ECH1: variants seen among roughly 807,000 people sequenced by gnomAD.
ECH1 encodes the protein delta(3,5)-Delta(2,4)-dienoyl-CoA isomerase, mitochondrial.
Under a neutral mutation model 37.0 loss-of-function variants are expected in ECH1, and 30 were observed. The ratio of observed to expected loss-of-function variants is 0.81; its 90% CI spans 0.61 to 1.10. The LOEUF is 1.10. ECH1 is among the 50% of genes least tolerant of loss of function. ECH1 has a pLI of 0.00. For synonymous variants in ECH1, 178 were observed against 176.0 expected (o/e 1.01, Z -0.09); for missense variants, 456 against 441.6 (o/e 1.03, Z -0.29).
At chr19:38,827,003 G>C (rs1309568548) in intron 3 of ECH1, among the ~76,000 whole-genome samples, 1 of 151,192 alleles carries the variant, frequency 6.6e-6, no homozygotes, top group Non-Finnish European at 1.5e-5. Flanking sequence ...AGAGGGACCA[G>C]GGCCCTCAGC....
chr19:38,824,902 T>G (rs1971716533), intron 3 of ECH1, among the ~76,000 whole-genome samples: 1 of 152,134 alleles, frequency 6.6e-6, no homozygotes, highest in Non-Finnish European at 1.5e-5. Context: ...TATGTCCCCT[T>G]CAAGCTGTAG....
chr19:38,816,046 G>A (rs758054951), intron 8 of ECH1, 39 bp from the exon 9 acceptor site: 2 of 1,609,494 alleles, frequency 1.2e-6, no homozygotes, highest in South Asian at 1.1e-5. Context: ...GGGCTGGGAA[G>A]GGCTCTCTCC....
chr19:38,830,397 C>G (rs1309911396), intron 3 of ECH1, among the ~76,000 whole-genome samples: 1 of 152,138 alleles, frequency 6.6e-6, no homozygotes, highest in African/African-American at 2.4e-5. Context: ...GCCACAGATC[C>G]AGGATGGAAA....
At position 38,816,525 on chromosome 19, in the gene ECH1, TG is replaced by T. The variant is rs1210597954; in HGVS notation, c.589-3del. 1 of 1,614,102 alleles carries T rather than the reference TG, an allele frequency of 6.2e-7. No homozygotes were observed. The highest frequency in any genetic ancestry group is 1.7e-5 in the Admixed American group (1 of 60,004). On this transcript the variant is annotated splice_region_variant and splice_polypyrimidine_tract_variant and intron_variant, in intron 6 of 9. Transcript: ENST00000221418. ...GGCAGCCAAACCCACGTCCACCTCCTGGGGGAGGAATCGGGTCAGTGTTTGG... is the reference window on the plus strand; with the variant it reads ...GGCAGCCAAACCCACGTCCACCTCCTGGGGAGGAATCGGGTCAGTGTTTGG...
intron 3 of ECH1, among the ~76,000 whole-genome samples, chr19:38,818,575 G>A (rs1444933385): frequency 3.3e-5 from 5 of 151,824 alleles, no homozygotes; most frequent in African/African-American, 7.3e-5. Context: ...TGCAACCTCC[G>A]CCTCCCGGTT....
intron 3 of ECH1, among the ~76,000 whole-genome samples, chr19:38,828,746 G>C (rs1971773630): frequency 6.6e-6 from 1 of 151,994 alleles, no homozygotes; most frequent in Admixed American, 6.6e-5. Flanking sequence ...CTCCCGAGTA[G>C]CTGGGACTAA....
At chr19:38,815,741 G>A (rs759998789) in intron 9 of ECH1, 24 bp from the exon 10 acceptor site, 4 of 1,614,056 alleles carry the variant, frequency 2.5e-6, no homozygotes, top group Non-Finnish European at 3.4e-6. Flanking sequence ...TGTTGAGAGA[G>A]AACGAGGAGA....
In ECH1 at chr19:38,825,494, C is replaced by A. The variant is rs188059220; in HGVS notation, c.349+5584G>T. On this transcript the variant is annotated intron_variant, in intron 3 of 9. Transcript: ENST00000221418. ...AAAGATAAGTTTATTATCCAATCAG[C>A]CGCAGATATCAGGAGAAAGCTCCAA... 2.5e-3 allele frequency among the ~76,000 whole-genome samples: 385 copies of A among 152,302 alleles called. 5 individuals are homozygous for A. The highest frequency in any genetic ancestry group is 8.9e-3 in the African/African-American group (370 of 41,568).
At chr19:38,818,383 G>T in intron 3 of ECH1, 3 of 985,378 alleles carry the variant, frequency 3.0e-6, no homozygotes, top group Middle Eastern at 5.2e-4. Context: ...TTCTCCATGA[G>T]CCCACCCTGC....
At chr19:38,818,899 C>CTGTGTG (rs1363448211) in intron 3 of ECH1, among the ~76,000 whole-genome samples, 7 of 90,372 alleles carry the variant, frequency 7.7e-5, no homozygotes, top group South Asian at 3.8e-4. Context: ...TGGCCTCCAA[C>CTGTGTG]TCTGTGTGTG....
chr19:38,815,791 C>A lies in ECH1; in HGVS notation c.882+66G>T, dbSNP rs530927065. The A allele has an allele frequency of 1.9e-5, 30 of 1,613,100 alleles. No homozygotes were observed. In the African/African-American group the frequency reaches 3.7e-4, roughly 20 times the overall value. On this transcript the variant is annotated intron_variant, in intron 9 of 9. Coordinates refer to ENST00000221418, the MANE Select transcript of ECH1 (RefSeq NM_001398.3). ...CCAATCAGGATAAAGCATGAGAGCA[C>A]CCTGCACCCTGGTTGGTCGCCTGGG...
Position 38,815,534 on chromosome 19 carries a change from G to T in ECH1, c.*79C>A. On this transcript the variant is annotated 3_prime_UTR_variant, in exon 10 of 10. Transcript: ENST00000221418. ...TGGGTCAGAAGGCATAGAAACAACT[G>T]TCATCGCCCATCCTCCCTTTCTGTG... is the stretch of plus-strand genomic sequence containing the variant. The T allele has an allele frequency of 7.2e-7, 1 of 1,392,900 alleles. No individual in the cohort carries two copies. Among genetic ancestry groups the T allele is most frequent in the Non-Finnish European group, 1.0e-6 (1 of 985,108 alleles). The allele number at this position is 1,392,900 out of a possible 1,614,324, so 86.3% of individuals were successfully genotyped here. A position where few individuals can be genotyped will look rare whatever the true frequency, so the allele number is the denominator to read the frequency against.
At chr19:38,816,899 C>G in intron 6 of ECH1, 166 bp downstream of exon 6, 2 of 798,720 alleles carry the variant, frequency 2.5e-6, no homozygotes, top group Non-Finnish European at 4.0e-6. Flanking sequence ...AACCCCACCT[C>G]ATACCTTACC....
At chr19:38,829,392 C>T (rs112954655) in intron 3 of ECH1, among the ~76,000 whole-genome samples, 10,665 of 151,524 alleles carry the variant, frequency 0.07, 1,086 homozygotes, top group African/African-American at 0.23. Flanking sequence ...ACCCAGGAGG[C>T]AGATGTTGCA....
At chr19:38,816,225 C>A in intron 8 of ECH1, 59 bp downstream of exon 8, 1 of 1,594,144 alleles carries the variant, frequency 6.3e-7, no homozygotes, top group Non-Finnish European at 8.5e-7. Flanking sequence ...CCCGGAGAGG[C>A]CTCCAACCCT....
chr19:38,831,758 T>G lies in ECH1; in HGVS notation c.15A>C (p.Ile5=), dbSNP rs761610089. The change falls in exon 1 of 10, where the codon ATA becomes ATC. Residue 5 remains isoleucine, a synonymous_variant. Coordinates refer to ENST00000221418, the MANE Select transcript of ECH1 (RefSeq NM_001398.3). ...GGTCGCGGAGTCTGCGAGAAGCCAC[T>G]ATCCCCGCCGCCATCGCCGCCGCCT... MAAG[I]VASRRLRDLL... 1.2e-6 allele frequency: 2 copies of G among 1,612,988 alleles called. No homozygotes were observed. Among genetic ancestry groups the G allele is most frequent in the Non-Finnish European group, 1.7e-6 (2 of 1,179,780 alleles).
rs1239536845 is a variant in ECH1, at chr19:38,817,451, C to T, written c.474G>A (p.Arg158=). Residue 158 remains arginine, a splice_region_variant and synonymous_variant, in exon 4 of 10, where the codon AGG becomes AGA. Transcript: ENST00000221418. Reference sequence around the variant, plus strand: ...ATCCCCTCCAGACCCCTAGAGTCACCCTCTCGATGACGTTGAAGGTCTCCT... The same window carrying T: ...ATCCCCTCCAGACCCCTAGAGTCACTCTCTCGATGACGTTGAAGGTCTCCT... ...RYQETFNVIE[R]CPKPVIAAVH... The T allele has an allele frequency of 6.2e-6, 10 of 1,613,550 alleles. No individual in the cohort carries two copies. Among genetic ancestry groups the T allele is most frequent in the Non-Finnish European group, 8.5e-6 (10 of 1,179,786 alleles).
chr19:38,817,292 G>A (rs1971592291), intron 5 of ECH1, 24 bp downstream of exon 5: 1 of 1,537,464 alleles, frequency 6.5e-7, no homozygotes, highest in African/African-American at 1.4e-5. Flanking sequence ...GAGCACCCGA[G>A]CAGGAGGATA....
At position 38,815,905 on chromosome 19, in the gene ECH1, G is replaced by C; in HGVS notation, c.834C>G (p.Asn278Lys). The C allele has an allele frequency of 6.2e-7, 1 of 1,614,194 alleles. No individual in the cohort carries two copies. Among genetic ancestry groups the C allele is most frequent in the Admixed American group, 1.7e-5 (1 of 60,030 alleles). ...SPVAVQSTKV[N>K]LLYSRDHSVA... is the part of the protein sequence containing the mutation. ...CCGAATGGTCGCGGGAATACAGCAG[G>C]TTGACCTTGGTGCTCTGCACCGCCA... The change falls in exon 9 of 10, where the codon AAC (asparagine) becomes AAG (lysine). Residue 278 changes from asparagine to lysine, a missense_variant. Asn to Lys is a moderately conservative substitution (Grantham distance 94). Coordinates refer to ENST00000221418, the MANE Select transcript of ECH1 (RefSeq NM_001398.3).
Sources: gnomAD v4.1 joint callset for allele counts (sites outside exome capture counted in the v4.1 genomes callset) on GRCh38, gnomAD v4.1.1 for gene constraint, MANE v1.5 for transcripts, NCBI Gene and HGNC (gene_info 2026-07-23, HGNC 2026-07-21) for gene names.